LRP1B: variants seen among roughly 807,000 people sequenced by gnomAD.
LRP1B encodes the protein low-density lipoprotein receptor-related protein 1B.
In LRP1B, 217 loss-of-function variants were observed where a neutral mutation model predicts 556.6. The ratio of observed to expected loss-of-function variants is 0.39; its 90% CI spans 0.35 to 0.44. LRP1B has a LOEUF of 0.44. LRP1B is among the 20% of genes least tolerant of loss of function. The pLI is 1.00. For missense variants in LRP1B, 5,053 were observed against 5,620.8 expected (o/e 0.90, Z 3.23); for synonymous variants, 2,047 against 1,865.8 (o/e 1.10, Z -2.50).
In LRP1B at chr2:141,160,637, G is replaced by GA. The variant is rs957074832; in HGVS notation, c.1013+27783dup. Among the ~76,000 whole-genome samples, 33 of 149,484 alleles carry GA rather than the reference G, an allele frequency of 2.2e-4. 1 individual carries two copies. In the East Asian group the frequency reaches 2.5e-3, roughly 12 times the overall value. ...ATCTCACGGGCCTTATGCTGACTTG[G>GA]AAAAAAAAAGCCAATTTCAAAAAGT... On this transcript the variant is annotated intron_variant, in intron 7 of 90. Coordinates refer to ENST00000389484, the MANE Select transcript of LRP1B (RefSeq NM_018557.3).
chr2:140,324,133 A>G (rs1680323038), intron 80 of LRP1B, 67 bp from the exon 81 acceptor site: 9 of 945,564 alleles, frequency 9.5e-6, no homozygotes, highest in Non-Finnish European at 1.5e-5. Flanking sequence ...AACTATGTTT[A>G]TCCAAGACGA....
At chr2:140,529,013 C>A (rs1690563454) in intron 47 of LRP1B, among the ~76,000 whole-genome samples, 1 of 151,878 alleles carries the variant, frequency 6.6e-6, no homozygotes, top group African/African-American at 2.4e-5. Flanking sequence ...GGCTAAGAGT[C>A]CTGATAAAGA....
chr2:141,866,312 GCTT>G (rs1252873638), intron 1 of LRP1B, among the ~76,000 whole-genome samples: 1 of 152,112 alleles, frequency 6.6e-6, no homozygotes, highest in Non-Finnish European at 1.5e-5. Flanking sequence ...CTAGTCTACA[GCTT>G]CTTCATTATT....
chr2:141,232,045 G>A (rs1000047976), intron 5 of LRP1B, among the ~76,000 whole-genome samples: 1 of 152,152 alleles, frequency 6.6e-6, no homozygotes, highest in Non-Finnish European at 1.5e-5. Flanking sequence ...AATCATCTCT[G>A]CTTAACATAA....
intron 2 of LRP1B, among the ~76,000 whole-genome samples, chr2:141,631,538 C>CAA (rs71391663): frequency 1.8e-4 from 17 of 92,536 alleles, no homozygotes; most frequent in African/African-American, 3.8e-4. Flanking sequence ...ACCAGTTTTC[C>CAA]AAAAAAAAAA....
At chr2:141,292,125 C>T (rs935181485) in intron 3 of LRP1B, among the ~76,000 whole-genome samples, 1 of 152,158 alleles carries the variant, frequency 6.6e-6, no homozygotes, top group Admixed American at 6.5e-5. Flanking sequence ...CTCATAGGAG[C>T]ACAAACCCTA....
intron 41 of LRP1B, among the ~76,000 whole-genome samples, chr2:140,628,726 C>T (rs1193517296): frequency 2.0e-5 from 3 of 151,928 alleles, no homozygotes; most frequent in African/African-American, 4.8e-5. Flanking sequence ...GATTTGCATC[C>T]CCACCCAAAT....
At chr2:141,654,331 C>T (rs1406414342) in intron 2 of LRP1B, among the ~76,000 whole-genome samples, 2 of 152,102 alleles carry the variant, frequency 1.3e-5, no homozygotes, top group Non-Finnish European at 2.9e-5. Flanking sequence ...TATAGAATCA[C>T]TGTAATTTCA....
At chr2:140,691,030 T>A (rs552215093) in intron 41 of LRP1B, among the ~76,000 whole-genome samples, 51 of 152,176 alleles carry the variant, frequency 3.4e-4, no homozygotes, top group Non-Finnish European at 6.3e-4. Flanking sequence ...TAAAACTATA[T>A]GCATTCTAAA....
At chr2:141,469,611 C>A (rs1682383755) in intron 3 of LRP1B, among the ~76,000 whole-genome samples, 2 of 152,140 alleles carry the variant, frequency 1.3e-5, no homozygotes, top group South Asian at 4.2e-4. Flanking sequence ...TTTAAAAAGC[C>A]ACAAAAATAG....
intron 43 of LRP1B, among the ~76,000 whole-genome samples, chr2:140,547,487 G>T (rs1574067023): frequency 6.6e-6 from 1 of 151,972 alleles, no homozygotes; most frequent in Non-Finnish European, 1.5e-5. Context: ...TTTCTGTGGG[G>T]TCAGTGGTAA....
chr2:141,390,404 T>G (rs145130534), intron 3 of LRP1B, among the ~76,000 whole-genome samples: 1 of 152,264 alleles, frequency 6.6e-6, no homozygotes, highest in East Asian at 1.9e-4. Context: ...CTCAAAAACA[T>G]AAACATAGAA....
At chr2:141,827,076 C>A (rs1696956787) in intron 1 of LRP1B, among the ~76,000 whole-genome samples, 1 of 152,156 alleles carries the variant, frequency 6.6e-6, no homozygotes, top group African/African-American at 2.4e-5. Flanking sequence ...TATAAATAAT[C>A]TTTTGTTTTT....
intron 43 of LRP1B, among the ~76,000 whole-genome samples, chr2:140,592,454 T>C (rs1488699150): frequency 6.6e-6 from 1 of 152,106 alleles, no homozygotes; most frequent in South Asian, 2.1e-4. Flanking sequence ...TCCTTTTTTT[T>C]TTTAGAAGTT....
chr2:141,923,403 C>CTA lies in LRP1B; in HGVS notation c.83-113004_83-113003dup, dbSNP rs61682272. On this transcript the variant is annotated intron_variant, in intron 1 of 90. Coordinates refer to ENST00000389484, the MANE Select transcript of LRP1B (RefSeq NM_018557.3). ...ATTTTTAATGAAATTATCTCTGTCA[C>CTA]TATATATATATATATATATAGTGAC... Among the ~76,000 whole-genome samples, 386 of 102,082 alleles carry CTA rather than the reference C, an allele frequency of 3.8e-3. 18 individuals carry two copies. The highest frequency in any genetic ancestry group is 8.8e-3 in the African/African-American group (220 of 25,044). The allele number at this position is 102,082 out of a possible 152,430, so 67.0% of individuals were successfully genotyped here.
intron 79 of LRP1B, among the ~76,000 whole-genome samples, chr2:140,328,771 A>C (rs1680632856): frequency 6.6e-6 from 1 of 152,008 alleles, no homozygotes; most frequent in Non-Finnish European, 1.5e-5. Context: ...AACTACATTA[A>C]AGTCATGTTT....
At chr2:140,660,367 T>C (rs942399598) in intron 41 of LRP1B, among the ~76,000 whole-genome samples, 1 of 152,148 alleles carries the variant, frequency 6.6e-6, no homozygotes. Flanking sequence ...TATGATTTTG[T>C]TTACTTTCTT....
At chr2:140,606,617 A>G (rs1368810562) in intron 41 of LRP1B, among the ~76,000 whole-genome samples, 2 of 152,084 alleles carry the variant, frequency 1.3e-5, no homozygotes, top group African/African-American at 2.4e-5. Context: ...ACCTCAGTAT[A>G]AAGTTTATAG....
intron 1 of LRP1B, among the ~76,000 whole-genome samples, chr2:142,045,829 G>C (rs1426168301): frequency 6.6e-6 from 1 of 151,828 alleles, no homozygotes; most frequent in Non-Finnish European, 1.5e-5. Context: ...CCTGGGATTT[G>C]AGCCTCCGTC....
Sources: gnomAD v4.1 joint callset for allele counts (sites outside exome capture counted in the v4.1 genomes callset) on GRCh38, gnomAD v4.1.1 for gene constraint, MANE v1.5 for transcripts, NCBI Gene and HGNC (gene_info 2026-07-23, HGNC 2026-07-21) for gene names.